The following EMB variants were observed in gnomAD, a reference collection of about 807,000 sequenced individuals.
EMB encodes embigin, also known as embigin homolog.
Under a neutral mutation model 41.4 loss-of-function variants are expected in EMB, and 31 were observed. The observed-to-expected ratio is 0.75, with a 90% CI of 0.56 to 1.01. The LOEUF (loss-of-function observed/expected upper bound fraction) is 1.01. Among genes scored for constraint, EMB ranks in the 50% least tolerant of loss-of-function variants. The pLI is 0.00. For synonymous variants in EMB, 137 were observed against 140.4 expected, an observed-to-expected ratio of 0.98 and a Z score of 0.17; for missense variants, 379 against 388.3, an observed-to-expected ratio of 0.98 and a Z score of 0.20.
chr5:50,442,473 C>G (rs1048223266), upstream of EMB, among the ~76,000 whole-genome samples: 13 of 151,790 alleles, frequency 8.6e-5, no homozygotes, highest in African/African-American at 3.2e-4. Context: ...TCAAAAGAGG[C>G]TAGATAGGCA....
intron 2 of EMB, among the ~76,000 whole-genome samples, chr5:50,425,565 G>A (rs148109903): frequency 2.4e-3 from 363 of 152,194 alleles, no homozygotes; most frequent in Non-Finnish European, 4.1e-3. Context: ...TATGGACATT[G>A]GAAAATTAAG....
chr5:50,403,066 C>T (rs2111770553), intron 6 of EMB, 112 bp downstream of exon 6: 9 of 1,035,472 alleles, frequency 8.7e-6, no homozygotes, highest in Non-Finnish European at 1.2e-5. Context: ...CCCAAAAATC[C>T]TAAAGTCATT....
At chr5:50,439,476 C>T (rs1745859421) in intron 1 of EMB, among the ~76,000 whole-genome samples, 1 of 143,686 alleles carries the variant, frequency 7.0e-6, no homozygotes, top group Admixed American at 7.1e-5. Flanking sequence ...ATCACCACAA[C>T]CGCACTTTTA....
At position 50,403,232 on chromosome 5, in the gene EMB, C is replaced by T. The variant is rs541545762; in HGVS notation, c.823G>A (p.Val275Met). Residue 275 changes from valine to methionine, a missense_variant, in exon 6 of 9, where the codon GTG becomes ATG. By Grantham distance (21) the Val-to-Met change is conservative. Coordinates refer to ENST00000303221, the MANE Select transcript of EMB (RefSeq NM_198449.3). ...TTTTCACAAAGCAGAATGGTGGCCA[C>T]TAAAAGAATCACCTCAGCCACTATT... Reference protein sequence around the residue: ...LVIVAEVILLVATILLCEKYT... With the variant: ...LVIVAEVILLMATILLCEKYT... 51 of 1,612,172 alleles carry T rather than the reference C, an allele frequency of 3.2e-5. No homozygotes were observed. In the East Asian group the frequency reaches 1.1e-3, roughly 36 times the overall value.
Position 50,422,578 on chromosome 5 carries a change from T to C in EMB, c.196+5566A>G, listed in dbSNP as rs1222974267. Among the ~76,000 whole-genome samples, 3 of 152,124 alleles carry C rather than the reference T, an allele frequency of 2.0e-5. No individual in the cohort carries two copies. In the South Asian group the frequency reaches 6.2e-4, roughly 31 times the overall value. ...GGCTAACAGTACAAAATAATAACCA[T>C]AAAATTAGTTCCTTCTCACACACAA... is the stretch of plus-strand genomic sequence containing the variant. On this transcript the variant is annotated intron_variant, in intron 2 of 8. Coordinates refer to ENST00000303221, the MANE Select transcript of EMB (RefSeq NM_198449.3).
intron 2 of EMB, among the ~76,000 whole-genome samples, chr5:50,426,385 AGTTT>A (rs1222399220): frequency 6.6e-6 from 1 of 152,248 alleles, no homozygotes; most frequent in African/African-American, 2.4e-5. Context: ...CAACATCATG[AGTTT>A]GTTAATAATT....
At chr5:50,402,778 T>C (rs1220244085) in intron 6 of EMB, among the ~76,000 whole-genome samples, 1 of 150,744 alleles carries the variant, frequency 6.6e-6, no homozygotes, top group Admixed American at 6.6e-5. Flanking sequence ...AGAAAAATTG[T>C]TTCTTTTAGA....
intron 2 of EMB, among the ~76,000 whole-genome samples, chr5:50,421,032 TCAAACA>T (rs1407851382): frequency 6.6e-6 from 1 of 152,150 alleles, no homozygotes; most frequent in Non-Finnish European, 1.5e-5. Flanking sequence ...GACATATAAC[TCAAACA>T]CAAATATCTA....
intron 4 of EMB, among the ~76,000 whole-genome samples, chr5:50,407,103 G>A (rs530585255): frequency 7.2e-5 from 11 of 152,060 alleles, no homozygotes; most frequent in East Asian, 1.9e-4. Context: ...CACAGTTTCC[G>A]CTTTCCCAGG....
At chr5:50,430,840 C>A (rs962041063) in intron 1 of EMB, among the ~76,000 whole-genome samples, 2 of 152,124 alleles carry the variant, frequency 1.3e-5, no homozygotes, top group Non-Finnish European at 2.9e-5. Context: ...TTCTCCCTTA[C>A]TGATCACTAG....
At chr5:50,429,912 CTG>C (rs1239652713) in intron 1 of EMB, among the ~76,000 whole-genome samples, 1 of 151,858 alleles carries the variant, frequency 6.6e-6, no homozygotes, top group Non-Finnish European at 1.5e-5. Flanking sequence ...CCCTCCTTCT[CTG>C]TCTTTTCACC....
Position 50,441,141 on chromosome 5 carries a change from A to G in EMB, c.11T>C (p.Leu4Pro). 2 of 1,500,186 alleles carry G rather than the reference A, an allele frequency of 1.3e-6. No homozygotes were observed. Among genetic ancestry groups the G allele is most frequent in the Admixed American group, 2.1e-5 (1 of 47,984 alleles). 92.9% of individuals were successfully genotyped at this position (1,500,186 alleles called of 1,614,324 possible). A position where few individuals can be genotyped will look rare whatever the true frequency, so the allele number is the denominator to read the frequency against. MRA[L>P]PGLLEARART... ...CGCCCTGGCCTCCAGCAGGCCGGGG[A>G]GGGCGCGCATGGCGCCAGAGGGTCC... Residue 4 changes from leucine to proline, a missense_variant, in exon 1 of 9, where the codon CTC becomes CCC. By Grantham distance (98) the Leu-to-Pro change is moderately conservative. Transcript: ENST00000303221.
Position 50,403,379 on chromosome 5 carries a change from G to T in EMB, c.676C>A (p.Gln226Lys), listed in dbSNP as rs775981430. ...GATTCCCCATCTTCCTCCAAAAGTT[G>T]TGTTATCTTCAGCTTTGTTTCGTTA... The part of the protein sequence containing the change: ...YANETKLKIT[Q>K]LLEEDGESYW... Residue 226 changes from glutamine to lysine, a missense_variant, in exon 6 of 9, where the codon CAA becomes AAA. Physicochemically the swap from Gln to Lys is moderately conservative, Grantham distance 53. Coordinates refer to ENST00000303221, the MANE Select transcript of EMB (RefSeq NM_198449.3). The T allele has an allele frequency of 6.2e-7, 1 of 1,612,576 alleles. No individual in the cohort carries two copies. The highest frequency in any genetic ancestry group is 1.7e-5 in the Admixed American group (1 of 59,796).
At position 50,411,213 on chromosome 5, in the gene EMB, A is replaced by C; in HGVS notation, c.367T>G (p.Leu123Val). ...TATACTCACCTGTATTGGGTATACA[A>C]GGTGCTTCCTGTTGCACTGACAAGA... The part of the protein sequence containing the change: ...NYLVSATGST[L>V]YTQYRFTIIN... The change falls in exon 3 of 9, where the codon TTG becomes GTG. Residue 123 changes from leucine to valine, a missense_variant. Leu to Val is a conservative substitution (Grantham distance 32). Transcript: ENST00000303221. 3.1e-6 allele frequency: 5 copies of C among 1,611,798 alleles called. No individual in the cohort carries two copies. Among genetic ancestry groups the C allele is most frequent in the Non-Finnish European group, 4.2e-6 (5 of 1,178,742 alleles).
intron 4 of EMB, among the ~76,000 whole-genome samples, chr5:50,410,117 C>A (rs1389495563): frequency 1.3e-5 from 2 of 152,024 alleles, no homozygotes; most frequent in African/African-American, 4.8e-5. Flanking sequence ...CAACAATTTT[C>A]ATGTTTCCTG....
Position 50,402,297 on chromosome 5 carries a change from C to T in EMB, c.900G>A (p.Gln300=). 1 of 1,610,196 alleles carries T rather than the reference C, an allele frequency of 6.2e-7. No homozygotes were observed. Among genetic ancestry groups the T allele is most frequent in the Non-Finnish European group, 8.5e-7 (1 of 1,177,330 alleles). Residue 300 remains glutamine (Q), a synonymous_variant, in exon 7 of 9, where the codon CAG becomes CAA. Transcript: ENST00000303221. ...AAAATAATACTTACAGCTGTTCAAT[C>T]TGCTCAAATTCTTTCCCCTCATCTG... ...KHSDEGKEFE[Q]IEQLKSDDSN... is the part of the protein sequence containing the mutation.
chr5:50,437,622 G>A (rs1285455408), intron 1 of EMB, among the ~76,000 whole-genome samples: 1 of 152,076 alleles, frequency 6.6e-6, no homozygotes, highest in East Asian at 1.9e-4. Context: ...CCCTTTAAAT[G>A]TCCTTAAAGG....
intron 2 of EMB, among the ~76,000 whole-genome samples, chr5:50,420,756 C>T (rs1745507165): frequency 2.0e-5 from 3 of 152,076 alleles, no homozygotes; most frequent in Admixed American, 1.3e-4. Flanking sequence ...TTGTAGCTCC[C>T]GGAATACAGT....
intron 1 of EMB, among the ~76,000 whole-genome samples, chr5:50,433,466 A>T (rs2111862920): frequency 6.6e-6 from 1 of 152,312 alleles, no homozygotes; most frequent in East Asian, 1.9e-4. Context: ...ATAAAAACTT[A>T]TTAAAAAATA....
Sources: allele counts gnomAD v4.1 joint callset (sites outside exome capture counted in the v4.1 genomes callset), GRCh38; gene constraint gnomAD v4.1.1; transcripts MANE v1.5; gene names NCBI Gene and HGNC (gene_info 2026-07-23, HGNC 2026-07-21).